Variants in RORC observed in about 807,000 individuals in gnomAD.
The protein encoded by RORC is nuclear receptor ROR-gamma.
In RORC, 13 loss-of-function variants were observed where a neutral mutation model predicts 64.5. The observed-to-expected ratio is 0.20, with a 90% CI of 0.13 to 0.32. RORC has a LOEUF of 0.32. Ranked by LOEUF, RORC falls within the 10% of genes least tolerant of loss-of-function variation. The pLI is 1.00. For missense variants in RORC, 468 were observed against 669.5 expected, an observed-to-expected ratio of 0.70 and a Z score of 3.32; for synonymous variants, 277 against 259.3, an observed-to-expected ratio of 1.07 and a Z score of -0.65.
Position 151,814,703 on chromosome 1 carries a change from C to A in RORC, c.812-8G>T, listed in dbSNP as rs755681607. 2 of 1,601,830 alleles carry A rather than the reference C, an allele frequency of 1.2e-6. No homozygotes were observed. Among genetic ancestry groups the A allele is most frequent in the African/African-American group, 1.3e-5 (1 of 74,686 alleles). On this transcript the variant is annotated splice_region_variant and splice_polypyrimidine_tract_variant and intron_variant, in intron 5 of 10. Coordinates refer to ENST00000318247, the MANE Select transcript of RORC (RefSeq NM_005060.4). ...CGCTCTGCACCAGGTGCTCTGGGGC[C>A]GGAGAAGGAAGGCATGGCTTGATCT...
intron 6 of RORC, 173 bp from the exon 7 acceptor site, chr1:151,813,793 G>A: frequency 1.4e-6 from 1 of 700,896 alleles, no homozygotes; most frequent in Non-Finnish European, 2.3e-6. Context: ...CTGCCAGTGA[G>A]TCCCACACAC....
rs1441548693 is a variant in RORC, at chr1:151,807,800, A to C, written c.1396-167T>G. ...CACTGGTAGAAGTACGTGTGTGTTC[A>C]GGACACTGGAGGGAAGTGAGAGTGG... is the stretch of plus-strand genomic sequence containing the variant. On this transcript the variant is annotated intron_variant, in intron 10 of 10. Transcript: ENST00000318247. The surrounding 1 kb of genome is among the most constrained non-coding windows in gnomAD (Gnocchi z 5.0). 2.0e-5 allele frequency among the ~76,000 whole-genome samples: 3 copies of C among 152,224 alleles called. No homozygotes were observed. In the East Asian group the frequency reaches 5.8e-4, roughly 29 times the overall value.
chr1:151,813,436 C>G (rs112238446), intron 7 of RORC, 52 bp downstream of exon 7: 1 of 1,611,816 alleles, frequency 6.2e-7, no homozygotes, highest in African/African-American at 1.3e-5. Flanking sequence ...CCACCTCCCT[C>G]CACTTGGCTC....
In RORC at chr1:151,813,477, T is replaced by A. The variant is rs1014560242; in HGVS notation, c.1066+11A>T. The A allele has an allele frequency of 1.2e-6, 2 of 1,613,870 alleles. No homozygotes were observed. Among genetic ancestry groups the A allele is most frequent in the African/African-American group, 1.3e-5 (1 of 74,876 alleles). On this transcript the variant is annotated intron_variant, in intron 7 of 10. Transcript: ENST00000318247. ...CCTTGTCCCCAGGCCTGCCCACCCATCCCTGGGCACCTGCTTTGAGAAGCA... is the reference window on the plus strand; with the variant it reads ...CCTTGTCCCCAGGCCTGCCCACCCAACCCTGGGCACCTGCTTTGAGAAGCA...
rs892867316 is a variant in RORC, at chr1:151,807,751, G to C, written c.1396-118C>G. On this transcript the variant is annotated intron_variant, in intron 10 of 10. Coordinates refer to ENST00000318247, the MANE Select transcript of RORC (RefSeq NM_005060.4). The surrounding 1 kb of genome is among the most constrained non-coding windows in gnomAD (Gnocchi z 5.0). ...CTCCTTGCCTTCCCCTTATGTACTT[G>C]GCACTTTGGCACCAGCCAAATCCCA... The C allele has an allele frequency of 3.8e-6, 4 of 1,050,782 alleles. No individual in the cohort carries two copies. The African/African-American group carries it at 6.3e-5, about 17-fold the overall frequency. 65.1% of individuals were successfully genotyped at this position (1,050,782 alleles called of 1,614,324 possible).
chr1:151,813,140 G>A, intron 8 of RORC, 83 bp from the exon 9 acceptor site: 2 of 1,452,662 alleles, frequency 1.4e-6, no homozygotes, highest in Non-Finnish European at 1.9e-6. Flanking sequence ...GTTTAGAGCA[G>A]AGGGGGCAAT....
chr1:151,813,768 C>G (rs1651635287), intron 6 of RORC, 148 bp from the exon 7 acceptor site: 1 of 846,004 alleles, frequency 1.2e-6, no homozygotes, highest in African/African-American at 1.7e-5. Flanking sequence ...GGTCTTAGCA[C>G]AAATGCACAG....
chr1:151,812,878 G>A, intron 9 of RORC, 69 bp downstream of exon 9: 1 of 991,734 alleles, frequency 1.0e-6, no homozygotes, highest in South Asian at 1.4e-5. Flanking sequence ...TGAAGGTCTA[G>A]ACTCTTCTTC....
intron 2 of RORC, chr1:151,825,806 C>G (rs958228778): frequency 1.7e-6 from 2 of 1,176,968 alleles, no homozygotes; most frequent in Non-Finnish European, 2.5e-6. Context: ...CAGATCTTGA[C>G]CTTGACCAGG....
At chr1:151,818,127 T>G (rs1388701156) in intron 2 of RORC, among the ~76,000 whole-genome samples, 2 of 152,186 alleles carry the variant, frequency 1.3e-5, no homozygotes, top group African/African-American at 4.8e-5. Context: ...GGCAAAGCGG[T>G]TGGGCCAGGG....
Position 151,814,905 on chromosome 1 carries a change from C to T in RORC, c.811+8G>A. The T allele has an allele frequency of 6.2e-7, 1 of 1,609,038 alleles. No homozygotes were observed. The highest frequency in any genetic ancestry group is 8.5e-7 in the Non-Finnish European group (1 of 1,176,532). Reference sequence around the variant, plus strand: ...TCTACCACCCTCTCCACCTCCCCAGCTGCTCACCTATCTCTGTCAGGGAGG... The same window carrying T: ...TCTACCACCCTCTCCACCTCCCCAGTTGCTCACCTATCTCTGTCAGGGAGG... On this transcript the variant is annotated splice_region_variant and intron_variant, in intron 5 of 10. Transcript: ENST00000318247.
At chr1:151,824,266 C>G (rs11204896) in intron 2 of RORC, among the ~76,000 whole-genome samples, 11,513 of 152,156 alleles carry the variant, frequency 0.076, 496 homozygotes, top group Non-Finnish European at 0.098. Context: ...AGGAGGCCCT[C>G]TCTCCTACTT....
intron 2 of RORC, chr1:151,826,023 C>T (rs1558170388): frequency 1.2e-5 from 19 of 1,600,008 alleles, no homozygotes; most frequent in Admixed American, 5.0e-5. Context: ...GCGGCAGAGG[C>T]GGGGCGAGGC....
intron 2 of RORC, among the ~76,000 whole-genome samples, chr1:151,824,797 G>A (rs767568519): frequency 3.9e-5 from 6 of 152,184 alleles, no homozygotes; most frequent in African/African-American, 7.2e-5. Flanking sequence ...CTTGTTTTGC[G>A]GATGGTAGAC....
At chr1:151,813,091 G>T (rs956961206) in intron 8 of RORC, 34 bp from the exon 9 acceptor site, 3 of 1,548,722 alleles carry the variant, frequency 1.9e-6, no homozygotes, top group Non-Finnish European at 2.7e-6. Context: ...GTGAGAGAGT[G>T]GCTGGAGCGA....
chr1:151,807,414 G>T lies in RORC; in HGVS notation c.*58C>A. 1 of 1,558,584 alleles carries T rather than the reference G, an allele frequency of 6.4e-7. No homozygotes were observed. ...AAAGGAAAAGGGTGAGGGTGGAACG[G>T]GGTCCAGGGAGGTGGGCCAGCAGGC... On this transcript the variant is annotated 3_prime_UTR_variant, in exon 11 of 11. Coordinates refer to ENST00000318247, the MANE Select transcript of RORC (RefSeq NM_005060.4). The surrounding 1 kb of genome is among the most constrained non-coding windows in gnomAD (Gnocchi z 5.0).
chr1:151,828,560 C>G (rs1572048484), intron 2 of RORC, among the ~76,000 whole-genome samples: 1 of 152,180 alleles, frequency 6.6e-6, no homozygotes, highest in Non-Finnish European at 1.5e-5. Context: ...GTGCCCCTGT[C>G]CATTCTGTTT....
chr1:151,821,178 C>T (rs966980389), intron 2 of RORC, among the ~76,000 whole-genome samples: 1 of 152,150 alleles, frequency 6.6e-6, no homozygotes, highest in Non-Finnish European at 1.5e-5. Context: ...AGAGCCTGGC[C>T]CTGTGCCAGC....
intron 10 of RORC, 100 bp downstream of exon 10, chr1:151,811,225 C>T: frequency 1.5e-6 from 1 of 671,362 alleles, no homozygotes; most frequent in Non-Finnish European, 2.6e-6. Flanking sequence ...GGTACTCCCG[C>T]ACTCCCTCCT....
Sources: gnomAD v4.1 joint callset for allele counts (sites outside exome capture counted in the v4.1 genomes callset) on GRCh38, gnomAD v4.1.1 for gene constraint, Gnocchi (gnomAD v3.1) non-coding constraint, MANE v1.5 for transcripts, NCBI Gene and HGNC (gene_info 2026-07-23, HGNC 2026-07-21) for gene names.